SMOC2: variants seen among roughly 807,000 people sequenced by gnomAD.
SMOC2 encodes the protein SPARC-related modular calcium-binding protein 2.
Under a neutral mutation model 61.4 loss-of-function variants are expected in SMOC2, and 39 were observed. That is an observed-to-expected ratio of 0.64 (90% CI 0.49 to 0.83). The LOEUF is 0.83. SMOC2 is among the 40% of genes least tolerant of loss of function. The pLI is 0.00. For synonymous variants in SMOC2, 247 were observed against 239.9 expected, an observed-to-expected ratio of 1.03 and a Z score of -0.27; for missense variants, 556 against 592.9, an observed-to-expected ratio of 0.94 and a Z score of 0.65.
At chr6:168,462,325 A>G (rs1218091354) in intron 1 of SMOC2, among the ~76,000 whole-genome samples, 4 of 152,176 alleles carry the variant, frequency 2.6e-5, no homozygotes, top group Non-Finnish European at 4.4e-5. Context: ...GACTTTTGCA[A>G]TGAAGCTGCA....
At chr6:168,618,518 T>G (rs1786160110) in intron 9 of SMOC2, among the ~76,000 whole-genome samples, 1 of 136,298 alleles carries the variant, frequency 7.3e-6, no homozygotes, top group Admixed American at 7.5e-5. Context: ...GTAGTGGCAT[T>G]AAAAGGAGAG....
At chr6:168,546,845 T>C (rs2115103377) in intron 5 of SMOC2, among the ~76,000 whole-genome samples, 1 of 152,350 alleles carries the variant, frequency 6.6e-6, no homozygotes. Context: ...TGGCCTGTGA[T>C]TGGCTCTGAT....
intron 1 of SMOC2, among the ~76,000 whole-genome samples, chr6:168,465,474 A>G (rs1204479747): frequency 1.3e-5 from 2 of 152,144 alleles, no homozygotes; most frequent in South Asian, 2.1e-4. Flanking sequence ...GCCGGAAAAA[A>G]AAAAAAGAAA....
At chr6:168,506,622 G>T (rs1454438882) in intron 1 of SMOC2, among the ~76,000 whole-genome samples, 1 of 152,056 alleles carries the variant, frequency 6.6e-6, no homozygotes, top group African/African-American at 2.4e-5. Flanking sequence ...TGAGCTACTT[G>T]GTGTCCACAA....
chr6:168,564,102 G>T (rs9355226), intron 7 of SMOC2, among the ~76,000 whole-genome samples: 1 of 152,258 alleles, frequency 6.6e-6, no homozygotes, highest in South Asian at 2.1e-4. Flanking sequence ...ATAAGGTTTT[G>T]TACATATTTT....
At chr6:168,627,261 C>T (rs1290271970) in intron 9 of SMOC2, among the ~76,000 whole-genome samples, 1 of 152,122 alleles carries the variant, frequency 6.6e-6, no homozygotes, top group African/African-American at 2.4e-5. Flanking sequence ...AATTGAAGCA[C>T]CTTATAAAAA....
At chr6:168,441,576 G>A in intron 1 of SMOC2, 122 bp downstream of exon 1, 1 of 1,300,056 alleles carries the variant, frequency 7.7e-7, no homozygotes, top group Non-Finnish European at 9.8e-7. Flanking sequence ...GGTGGCCCCG[G>A]GGGCCGTGGA....
At chr6:168,651,861 T>G (rs1787202200) in intron 10 of SMOC2, among the ~76,000 whole-genome samples, 1 of 152,034 alleles carries the variant, frequency 6.6e-6, no homozygotes, top group South Asian at 2.1e-4. Flanking sequence ...GCCAACGTGG[T>G]GAAAACCCAT....
intron 1 of SMOC2, among the ~76,000 whole-genome samples, chr6:168,442,109 A>G (rs1215995791): frequency 1.3e-5 from 2 of 152,230 alleles, no homozygotes; most frequent in Non-Finnish European, 2.9e-5. Flanking sequence ...ATGAGGTTAC[A>G]GATGATTCTT....
intron 1 of SMOC2, among the ~76,000 whole-genome samples, chr6:168,446,936 G>A (rs1200175778): frequency 6.6e-6 from 1 of 152,196 alleles, no homozygotes; most frequent in African/African-American, 2.4e-5. Context: ...TATTATGTAT[G>A]ACATAATGTG....
intron 7 of SMOC2, among the ~76,000 whole-genome samples, chr6:168,569,378 G>A (rs182044794): frequency 6.6e-6 from 1 of 151,944 alleles, no homozygotes; most frequent in Non-Finnish European, 1.5e-5. Context: ...ATTAATTGGG[G>A]TTTTTTTAAT....
At chr6:168,473,878 G>A (rs1782021265) in intron 1 of SMOC2, among the ~76,000 whole-genome samples, 1 of 152,112 alleles carries the variant, frequency 6.6e-6, no homozygotes, top group African/African-American at 2.4e-5. Flanking sequence ...TGCCTGTTGG[G>A]ACAGCACGGC....
intron 2 of SMOC2, among the ~76,000 whole-genome samples, chr6:168,517,974 C>T (rs1783185004): frequency 6.6e-6 from 1 of 152,232 alleles, no homozygotes; most frequent in Non-Finnish European, 1.5e-5. Flanking sequence ...GAACGAGGAG[C>T]CGGTTCAGAG....
At chr6:168,567,017 A>G (rs1026285905) in intron 7 of SMOC2, among the ~76,000 whole-genome samples, 1 of 152,224 alleles carries the variant, frequency 6.6e-6, no homozygotes, top group African/African-American at 2.4e-5. Flanking sequence ...TCGCATTTTT[A>G]TAGCTCATAA....
intron 7 of SMOC2, among the ~76,000 whole-genome samples, chr6:168,570,771 G>A (rs1263043532): frequency 6.6e-6 from 1 of 152,170 alleles, no homozygotes; most frequent in Non-Finnish European, 1.5e-5. Flanking sequence ...ACTAAGAAGC[G>A]TATTTTAAGC....
chr6:168,615,705 C>T (rs1172944796), intron 9 of SMOC2, among the ~76,000 whole-genome samples: 155 of 125,956 alleles, frequency 1.2e-3, no homozygotes, highest in Admixed American at 1.6e-3. Context: ...CTCTTCACAC[C>T]TACAGCCAGC....
intron 9 of SMOC2, among the ~76,000 whole-genome samples, chr6:168,639,414 A>G (rs924310036): frequency 1.3e-5 from 2 of 152,146 alleles, no homozygotes; most frequent in Admixed American, 6.5e-5. Context: ...ACCGTTGTAC[A>G]TGTTTTTGAG....
At chr6:168,448,378 GGCA>G (rs1781379713) in intron 1 of SMOC2, among the ~76,000 whole-genome samples, 1 of 151,396 alleles carries the variant, frequency 6.6e-6, no homozygotes, top group African/African-American at 2.4e-5. Flanking sequence ...GGAGGAGGAT[GGCA>G]ATGGGGAGAA....
chr6:168,449,144 T>C (rs963949952), intron 1 of SMOC2, among the ~76,000 whole-genome samples: 2 of 152,198 alleles, frequency 1.3e-5, no homozygotes, highest in Admixed American at 6.5e-5. Flanking sequence ...TTCTGTTGTC[T>C]GATTCCCAGT....
Sources: gnomAD v4.1 joint callset for allele counts (sites outside exome capture counted in the v4.1 genomes callset) on GRCh38, gnomAD v4.1.1 for gene constraint, MANE v1.5 for transcripts, NCBI Gene and HGNC (gene_info 2026-07-23, HGNC 2026-07-21) for gene names.